Variants in PCDH15 observed in about 807,000 individuals in gnomAD.
The protein encoded by PCDH15 is protocadherin related 15, also known as protocadherin-15.
Under a neutral mutation model 178.5 loss-of-function variants are expected in PCDH15, and 129 were observed. The observed-to-expected ratio is 0.72, with a 90% confidence interval of 0.63 to 0.84. The LOEUF (loss-of-function observed/expected upper bound fraction) is 0.84. Ranked by LOEUF, PCDH15 falls within the 40% of genes least tolerant of loss-of-function variation. PCDH15 has a pLI of 0.00. For missense variants in PCDH15, 2,230 were observed against 2,099.9 expected, an observed-to-expected ratio of 1.06 and a Z score of -1.21; for synonymous variants, 800 against 732.0, an observed-to-expected ratio of 1.09 and a Z score of -1.50.
intron 8 of PCDH15, among the ~76,000 whole-genome samples, chr10:54,278,299 A>G (rs911786975): frequency 6.6e-6 from 1 of 151,528 alleles, no homozygotes; most frequent in African/African-American, 2.4e-5. Context: ...GTCATCTCTA[A>G]GACAATTTTT....
At chr10:54,891,924 G>A (rs950205795) in intron 3 of PCDH15, among the ~76,000 whole-genome samples, 2 of 152,062 alleles carry the variant, frequency 1.3e-5, no homozygotes, top group African/African-American at 4.8e-5. Flanking sequence ...TAGAGACTCT[G>A]ACTTCAGATG....
intron 3 of PCDH15, among the ~76,000 whole-genome samples, chr10:54,386,124 G>GTGTGTGTGTGTGTGTAGACT (rs1447991348): frequency 2.0e-5 from 3 of 151,410 alleles, no homozygotes; most frequent in Non-Finnish European, 4.4e-5. Flanking sequence ...GTGTGTGTGT[G>GTGTGTGTGTGTGTGTAGACT]TGTGTGTGTG....
intron 2 of PCDH15, among the ~76,000 whole-genome samples, chr10:55,606,981 T>A (rs1843234868): frequency 6.7e-6 from 1 of 149,770 alleles, no homozygotes. Context: ...TGGGAGAAAA[T>A]TTTCACAACC....
chr10:54,977,905 A>G (rs1380787575), intron 2 of PCDH15, among the ~76,000 whole-genome samples: 3 of 152,300 alleles, frequency 2.0e-5, no homozygotes, highest in Non-Finnish European at 2.9e-5. Flanking sequence ...GTTAACTAAC[A>G]TAAGGACATT....
chr10:54,416,379 G>A (rs920762513), intron 3 of PCDH15, among the ~76,000 whole-genome samples: 1 of 151,914 alleles, frequency 6.6e-6, no homozygotes, highest in Non-Finnish European at 1.5e-5. Context: ...TGCAGTGTTT[G>A]GTTTTCTGTT....
intron 1 of PCDH15, among the ~76,000 whole-genome samples, chr10:55,276,010 T>A (rs1213426582): frequency 2.0e-5 from 3 of 151,250 alleles, no homozygotes; most frequent in African/African-American, 7.3e-5. Context: ...ATTTTTGATA[T>A]GTATAATGAT....
intron 32 of PCDH15, chr10:53,821,683 A>T: frequency 7.2e-7 from 1 of 1,386,564 alleles, no homozygotes; most frequent in Non-Finnish European, 9.4e-7. Flanking sequence ...CTATTATATG[A>T]GTGAGTTAGT....
At chr10:54,759,241 A>T (rs933078446) in intron 1 of PCDH15, among the ~76,000 whole-genome samples, 1 of 152,212 alleles carries the variant, frequency 6.6e-6, no homozygotes, top group South Asian at 2.1e-4. Context: ...GAAGTGTTCA[A>T]TTCCACTTGA....
chr10:53,994,077 A>G (rs904898805), intron 21 of PCDH15, among the ~76,000 whole-genome samples: 6 of 152,218 alleles, frequency 3.9e-5, no homozygotes, highest in African/African-American at 1.4e-4. Context: ...TTCTCTTTAC[A>G]TAAATACTTA....
At chr10:54,750,146 C>G (rs550281646) in intron 1 of PCDH15, among the ~76,000 whole-genome samples, 1 of 152,078 alleles carries the variant, frequency 6.6e-6, no homozygotes, top group South Asian at 2.1e-4. Flanking sequence ...CTTTATTTAA[C>G]AGCAAGTTAA....
intron 15 of PCDH15, among the ~76,000 whole-genome samples, chr10:54,119,863 G>A (rs1439422955): frequency 1.3e-5 from 2 of 151,180 alleles, no homozygotes; most frequent in African/African-American, 2.4e-5. Flanking sequence ...ATGGTGGTTT[G>A]CTGCACTCAT....
intron 1 of PCDH15, among the ~76,000 whole-genome samples, chr10:55,207,246 C>G (rs1840427582): frequency 6.6e-6 from 1 of 152,010 alleles, no homozygotes; most frequent in Admixed American, 6.6e-5. Context: ...TATTCCATAT[C>G]AATATGGAAC....
chr10:54,910,768 A>G (rs991154732), intron 2 of PCDH15, among the ~76,000 whole-genome samples: 2 of 152,234 alleles, frequency 1.3e-5, no homozygotes, highest in African/African-American at 4.8e-5. Flanking sequence ...TCAGTGAACT[A>G]TTAACTATTT....
intron 2 of PCDH15, among the ~76,000 whole-genome samples, chr10:55,409,756 T>C (rs1272934513): frequency 1.3e-5 from 2 of 152,134 alleles, no homozygotes; most frequent in Admixed American, 1.3e-4. Flanking sequence ...GTTATGTAAA[T>C]ATGTGCACAT....
intron 2 of PCDH15, among the ~76,000 whole-genome samples, chr10:54,615,794 T>C (rs2093124318): frequency 6.6e-6 from 1 of 152,152 alleles, no homozygotes; most frequent in South Asian, 2.1e-4. Flanking sequence ...TCTTGAAATA[T>C]GTAGTATTTC....
intron 2 of PCDH15, among the ~76,000 whole-genome samples, chr10:54,905,339 A>G (rs1190963070): frequency 6.6e-6 from 1 of 152,140 alleles, no homozygotes; most frequent in Non-Finnish European, 1.5e-5. Flanking sequence ...ACATACAAGC[A>G]ACACTGTATT....
At chr10:54,594,658 T>C (rs2092104659) in intron 2 of PCDH15, among the ~76,000 whole-genome samples, 1 of 152,150 alleles carries the variant, frequency 6.6e-6, no homozygotes, top group African/African-American at 2.4e-5. Flanking sequence ...CCCATACATC[T>C]CTTTGCCTGT....
intron 2 of PCDH15, among the ~76,000 whole-genome samples, chr10:55,440,071 T>G (rs1839143460): frequency 6.6e-6 from 1 of 152,168 alleles, no homozygotes; most frequent in Non-Finnish European, 1.5e-5. Flanking sequence ...CTTGACGCTG[T>G]TATATAAAAG....
At chr10:55,252,412 C>T (rs1207246314) in intron 1 of PCDH15, among the ~76,000 whole-genome samples, 1 of 151,984 alleles carries the variant, frequency 6.6e-6, no homozygotes, top group African/African-American at 2.4e-5. Context: ...ATGGAATATC[C>T]ACTTACTCTT....
Sources: gnomAD v4.1 joint callset for allele counts (sites outside exome capture counted in the v4.1 genomes callset) on GRCh38, gnomAD v4.1.1 for gene constraint, MANE v1.5 for transcripts, NCBI Gene and HGNC (gene_info 2026-07-23, HGNC 2026-07-21) for gene names.